The following PPP2R2C variants were observed in gnomAD, a reference collection of about 807,000 sequenced individuals.
PPP2R2C encodes protein phosphatase 2 regulatory subunit Bgamma.
Under a neutral mutation model 45.3 loss-of-function variants are expected in PPP2R2C, and 10 were observed. That is an observed-to-expected ratio of 0.22 (90% confidence interval 0.14 to 0.37). The LOEUF is 0.37. Ranked by LOEUF, PPP2R2C falls within the 10% of genes least tolerant of loss-of-function variation. The probability of loss-of-function intolerance (pLI) is 1.00; values close to 1 mark genes in which losing one functional copy is unlikely to be tolerated. For synonymous variants in PPP2R2C, 257 were observed against 245.4 expected (o/e 1.05, Z -0.44); for missense variants, 308 against 619.7 (o/e 0.50, Z 5.34).
rs1332087485 is a variant in PPP2R2C, at chr4:6,322,105, C to T, written c.*1197G>A. 1 of 28,642 alleles carries T rather than the reference C, an allele frequency of 3.5e-5. No individual in the cohort carries two copies. The highest frequency in any genetic ancestry group is 8.6e-5 in the African/African-American group (1 of 11,668). 1.8% of individuals were successfully genotyped at this position (28,642 alleles called of 1,614,324 possible). Reference sequence around the variant, plus strand: ...CTCAGTTCTCCTGGACCCTTGTCGTCGCCAAGTCTGCCATGTCCTACTTCA... The same window carrying T: ...CTCAGTTCTCCTGGACCCTTGTCGTTGCCAAGTCTGCCATGTCCTACTTCA... On this transcript the variant is annotated 3_prime_UTR_variant, in exon 9 of 9. Transcript: ENST00000382599. The surrounding 1 kb of genome is among the most constrained non-coding windows in gnomAD (Gnocchi z 7.8).
At chr4:6,418,784 C>T (rs1718770615) in intron 1 of PPP2R2C, among the ~76,000 whole-genome samples, 1 of 152,274 alleles carries the variant, frequency 6.6e-6, no homozygotes, top group South Asian at 2.1e-4. Context: ...CCCCTGCCTG[C>T]TGGGTGGTCA....
At chr4:6,527,726 A>G (rs538086447) in intron 2 of PPP2R2C, among the ~76,000 whole-genome samples, 1 of 152,034 alleles carries the variant, frequency 6.6e-6, no homozygotes, top group Non-Finnish European at 1.5e-5. Context: ...AAACCAAAAT[A>G]TGGGGCCCCA....
chr4:6,419,759 C>A (rs999042659), intron 1 of PPP2R2C, among the ~76,000 whole-genome samples: 1 of 152,162 alleles, frequency 6.6e-6, no homozygotes, highest in African/African-American at 2.4e-5. Flanking sequence ...CTGGCTCCCT[C>A]TGGAAGCTCT....
intron 1 of PPP2R2C, among the ~76,000 whole-genome samples, chr4:6,462,027 C>T (rs961647857): frequency 1.3e-5 from 2 of 152,224 alleles, no homozygotes; most frequent in Non-Finnish European, 2.9e-5. Flanking sequence ...GTCACCCAGG[C>T]ACGGCCTGGC....
chr4:6,415,292 C>G (rs759234723), intron 1 of PPP2R2C, among the ~76,000 whole-genome samples: 2 of 152,242 alleles, frequency 1.3e-5, no homozygotes, highest in Non-Finnish European at 2.9e-5. Flanking sequence ...CAAGGTCAGA[C>G]CACCGGCCGT....
intron 1 of PPP2R2C, among the ~76,000 whole-genome samples, chr4:6,562,949 T>C (rs1725627064): frequency 2.1e-5 from 3 of 141,684 alleles, no homozygotes; most frequent in African/African-American, 8.4e-5. Context: ...TGTCATGGAC[T>C]GTCCCTGCCA....
chr4:6,446,450 T>C (rs1488995935), intron 1 of PPP2R2C, among the ~76,000 whole-genome samples: 2 of 152,112 alleles, frequency 1.3e-5, no homozygotes, highest in Non-Finnish European at 2.9e-5. Flanking sequence ...GACGGATCCT[T>C]GCAAAGATCA....
At chr4:6,384,226 G>A in intron 1 of PPP2R2C, 3 of 985,448 alleles carry the variant, frequency 3.0e-6, no homozygotes, top group Non-Finnish European at 3.6e-6. Context: ...TGGGGCGCTG[G>A]TTCTTGCTAT....
At chr4:6,375,528 C>A (rs570257617) in intron 4 of PPP2R2C, among the ~76,000 whole-genome samples, 1 of 152,280 alleles carries the variant, frequency 6.6e-6, no homozygotes, top group South Asian at 2.1e-4. Context: ...CTTCTTATAA[C>A]AAGGGATTAT....
rs1723508250 is a variant in PPP2R2C, at chr4:6,511,587, GGTGGTGGTGATGGGGGTGGT to G, written c.49+23664_49+23683del. ...TGGTGGTGGTGATGGCGGTGGTGGT[GGTGGTGGTGATGGGGGTGGT>G]GGTGGTGGTGATGGTGGTGGTGGTG... On this transcript the variant is annotated intron_variant, in intron 2 of 9. Transcript: ENST00000506140. Among the ~76,000 whole-genome samples, 8 of 51,286 alleles carry G rather than the reference GGTGGTGGTGATGGGGGTGGT, an allele frequency of 1.6e-4. 1 individual carries two copies. The highest frequency in any genetic ancestry group is 3.7e-4 in the Non-Finnish European group (8 of 21,604). The allele number at this position is 51,286 out of a possible 152,430, so 33.6% of individuals were successfully genotyped here. A position where few individuals can be genotyped will look rare whatever the true frequency, so the allele number is the denominator to read the frequency against.
intron 1 of PPP2R2C, chr4:6,381,598 C>CT: frequency 6.9e-7 from 1 of 1,459,428 alleles, no homozygotes; most frequent in African/African-American, 1.4e-5. Flanking sequence ...GAATTACCCC[C>CT]TCTCCTTCAG....
chr4:6,360,259 G>A lies in PPP2R2C; in HGVS notation c.626-12249C>T, dbSNP rs568761558. On this transcript the variant is annotated intron_variant, in intron 5 of 8. Transcript: ENST00000382599. ...CCTGGCTCCCTAACTTCCAGTCAGC[G>A]TTCCTCCCACTGTTCTGGAGTAAAC... Among the ~76,000 whole-genome samples the A allele has an allele frequency of 5.4e-4, 82 of 152,358 alleles. 1 individual carries two copies. Among genetic ancestry groups the A allele is most frequent in the African/African-American group, 1.7e-3 (72 of 41,584 alleles).
At chr4:6,511,205 A>G (rs909012149) in intron 2 of PPP2R2C, among the ~76,000 whole-genome samples, 3 of 152,186 alleles carry the variant, frequency 2.0e-5, no homozygotes, top group African/African-American at 7.2e-5. Context: ...GATGCCTGGC[A>G]TGGCGTGAGT....
intron 1 of PPP2R2C, among the ~76,000 whole-genome samples, chr4:6,548,016 G>A (rs1477420662): frequency 6.6e-6 from 1 of 152,100 alleles, no homozygotes; most frequent in Non-Finnish European, 1.5e-5. Flanking sequence ...TCAGGAGTTC[G>A]AGACCAGCCT....
At chr4:6,414,082 G>C in intron 1 of PPP2R2C, 1 of 636,880 alleles carries the variant, frequency 1.6e-6, no homozygotes, top group South Asian at 3.0e-5. Flanking sequence ...GTGTATGTGT[G>C]TGTGTGTGTG....
intron 2 of PPP2R2C, chr4:6,523,464 G>T (rs563073341): frequency 3.9e-5 from 6 of 152,340 alleles, no homozygotes; most frequent in Admixed American, 3.3e-4. Context: ...TGGTCAGCAT[G>T]CACAGGAAAG....
At chr4:6,336,068 G>GTTTATCC (rs1245561767) in intron 6 of PPP2R2C, among the ~76,000 whole-genome samples, 1 of 152,164 alleles carries the variant, frequency 6.6e-6, no homozygotes, top group Non-Finnish European at 1.5e-5. Context: ...TCAAGATCAG[G>GTTTATCC]AAGGAGGGAG....
At chr4:6,535,434 G>C in intron 1 of PPP2R2C, 1 of 1,160,100 alleles carries the variant, frequency 8.6e-7, no homozygotes. Context: ...GTGCATGCAC[G>C]CCGCCACACA....
In PPP2R2C at chr4:6,471,165, C is replaced by A. The variant is rs988941800; in HGVS notation, c.70+995G>T. On this transcript the variant is annotated intron_variant, in intron 1 of 8. Coordinates refer to ENST00000382599, the MANE Select transcript of PPP2R2C (RefSeq NM_020416.4). This position sits in a 1 kb window ranked among gnomAD's most constrained non-coding sequence, Gnocchi z 5.6. Reference sequence around the variant, plus strand: ...GCCCAGGGCCCCTCCCACTGGGGCACCCACCCGGGGAATCCGCGCACACTT... The same window carrying A: ...GCCCAGGGCCCCTCCCACTGGGGCAACCACCCGGGGAATCCGCGCACACTT... Among the ~76,000 whole-genome samples the A allele has an allele frequency of 2.1e-4, 32 of 152,222 alleles. No homozygotes were observed. The highest frequency in any genetic ancestry group is 7.4e-5 in the Non-Finnish European group (5 of 68,024).
Sources: allele counts gnomAD v4.1 joint callset (sites outside exome capture counted in the v4.1 genomes callset), GRCh38; gene constraint gnomAD v4.1.1; non-coding constraint Gnocchi (gnomAD v3.1); transcripts MANE v1.5; gene names NCBI Gene and HGNC (gene_info 2026-07-23, HGNC 2026-07-21).